LRP8: variants seen among roughly 807,000 people sequenced by gnomAD.
LRP8 encodes low-density lipoprotein receptor-related protein 8.
Under a neutral mutation model 111.6 loss-of-function variants are expected in LRP8, and 46 were observed. The ratio of observed to expected loss-of-function variants is 0.41; its 90% CI spans 0.33 to 0.53. The LOEUF (loss-of-function observed/expected upper bound fraction) is 0.53. Ranked by LOEUF, LRP8 falls within the 20% of genes least tolerant of loss-of-function variation. The pLI, the probability that LRP8 is intolerant of heterozygous loss-of-function variation, is 0.20. For missense variants in LRP8, 959 were observed against 1,297.4 expected (o/e 0.74, Z 4.01); for synonymous variants, 464 against 511.2 (o/e 0.91, Z 1.24).
intron 6 of LRP8, chr1:53,274,609 G>T (rs1646859591): frequency 2.3e-6 from 1 of 442,320 alleles, no homozygotes. Flanking sequence ...AAGTGTCAGG[G>T]CAGGGGGCAC....
In LRP8 at chr1:53,262,023, G is replaced by C. The variant is rs1358479906; in HGVS notation, c.1914+45C>G. The C allele has an allele frequency of 6.2e-7, 1 of 1,602,042 alleles. No homozygotes were observed. The highest frequency in any genetic ancestry group is 1.1e-5 in the South Asian group (1 of 89,674). ...TCCTATTTGAACAAGCATTTTCTAG[G>C]CTTCAGCTTCCTAGTGGGCCCTTGC... On this transcript the variant is annotated intron_variant, in intron 12 of 18. Coordinates refer to ENST00000306052, the MANE Select transcript of LRP8 (RefSeq NM_004631.5). This position sits in a 1 kb window ranked among gnomAD's most constrained non-coding sequence, Gnocchi z 4.8.
intron 3 of LRP8, chr1:53,289,337 A>G: frequency 4.5e-6 from 2 of 445,296 alleles, no homozygotes; most frequent in South Asian, 6.9e-5. Context: ...GGCTGTTTCT[A>G]GCTCCTGCTG....
At chr1:53,320,210 A>G (rs1572695306) in intron 2 of LRP8, among the ~76,000 whole-genome samples, 1 of 152,256 alleles carries the variant, frequency 6.6e-6, no homozygotes, top group South Asian at 2.1e-4. Context: ...AGCAGGGCCC[A>G]GTGGGGCCAG....
At position 53,317,798 on chromosome 1, in the gene LRP8, G is replaced by A. The variant is rs1241826386; in HGVS notation, c.244+9075C>T. Among the ~76,000 whole-genome samples, 1 of 152,196 alleles carries A rather than the reference G, an allele frequency of 6.6e-6. No individual in the cohort carries two copies. Among genetic ancestry groups the A allele is most frequent in the African/African-American group, 2.4e-5 (1 of 41,456 alleles). On this transcript the variant is annotated intron_variant, in intron 2 of 18. Coordinates refer to ENST00000306052, the MANE Select transcript of LRP8 (RefSeq NM_004631.5). This position sits in a 1 kb window ranked among gnomAD's most constrained non-coding sequence, Gnocchi z 4.9. ...CTCCATTTTTCTCCATCACTGCACT[G>A]CATCCGGCCCAATTGTGAGTGCAGG... is the stretch of plus-strand genomic sequence containing the variant.
At chr1:53,324,569 G>A (rs565885742) in intron 2 of LRP8, among the ~76,000 whole-genome samples, 5 of 152,230 alleles carry the variant, frequency 3.3e-5, no homozygotes, top group South Asian at 2.1e-4. Context: ...TATCAGCAGC[G>A]CCGCCACCCT....
intron 3 of LRP8, among the ~76,000 whole-genome samples, chr1:53,284,392 A>G (rs950545080): frequency 6.6e-6 from 1 of 152,190 alleles, no homozygotes; most frequent in African/African-American, 2.4e-5. Flanking sequence ...TGAGGCTCAG[A>G]GAGACCAAGT....
chr1:53,254,836 AGG>A (rs1646021159), intron 16 of LRP8, among the ~76,000 whole-genome samples: 5 of 152,184 alleles, frequency 3.3e-5, no homozygotes, highest in African/African-American at 1.2e-4. Flanking sequence ...CCCTGTTCCT[AGG>A]GATCATACAG....
rs987482456 is a variant in LRP8, at chr1:53,317,581, G to A, written c.244+9292C>T. ...CCCTCTTGTTGTGTCCTTGGTGGAG[G>A]AGGAGGAAAGCTGAGGACGGTTCCT... On this transcript the variant is annotated intron_variant, in intron 2 of 18. Coordinates refer to ENST00000306052, the MANE Select transcript of LRP8 (RefSeq NM_004631.5). This position sits in a 1 kb window ranked among gnomAD's most constrained non-coding sequence, Gnocchi z 4.9. 6.6e-6 allele frequency among the ~76,000 whole-genome samples: 1 copy of A among 152,226 alleles called. No individual in the cohort carries two copies. Among genetic ancestry groups the A allele is most frequent in the African/African-American group, 2.4e-5 (1 of 41,462 alleles).
At position 53,289,669 on chromosome 1, in the gene LRP8, T is replaced by C; in HGVS notation, c.265A>G (p.Ser89Gly). 1 of 1,613,840 alleles carries C rather than the reference T, an allele frequency of 6.2e-7. No homozygotes were observed. Among genetic ancestry groups the C allele is most frequent in the East Asian group, 2.2e-5 (1 of 44,874 alleles). ...DDCPKKTCADSDFTCDNGHCI... is the reference protein window; with the variant it reads ...DDCPKKTCADGDFTCDNGHCI... ...TGGCCGTTGTCACAGGTGAAGTCAC[T>C]GTCTGCACAGGTCTTCTTGGCTGCA... The change falls in exon 3 of 19, where the codon AGT becomes GGT. Residue 89 changes from serine (S) to glycine (G), a missense_variant. Ser to Gly is a moderately conservative substitution (Grantham distance 56). This residue lies in a region of LRP8 where 43 missense variants were observed against 92.4 expected (regional missense o/e 0.47). Coordinates refer to ENST00000306052, the MANE Select transcript of LRP8 (RefSeq NM_004631.5).
chr1:53,319,236 T>C (rs1169668284), intron 2 of LRP8, among the ~76,000 whole-genome samples: 1 of 152,090 alleles, frequency 6.6e-6, no homozygotes, highest in Admixed American at 6.5e-5. Context: ...GGCTGGAAAC[T>C]AAGATGCCCT....
intron 1 of LRP8, 137 bp from the exon 2 acceptor site, chr1:53,327,129 C>G: frequency 8.1e-7 from 1 of 1,229,734 alleles, no homozygotes; most frequent in Non-Finnish European, 1.1e-6. Context: ...TTCAGGCACA[C>G]TCCATCCAAA....
At chr1:53,277,255 T>C (rs1266432816) in intron 4 of LRP8, among the ~76,000 whole-genome samples, 177 bp from the exon 5 acceptor site, 5 of 152,176 alleles carry the variant, frequency 3.3e-5, no homozygotes, top group Non-Finnish European at 7.4e-5. Context: ...AACACGGACA[T>C]GCTAGGTGAC....
chr1:53,308,273 A>G (rs539624609), intron 2 of LRP8, among the ~76,000 whole-genome samples: 2 of 151,836 alleles, frequency 1.3e-5, no homozygotes, highest in South Asian at 2.1e-4. Context: ...CAGAGCTACC[A>G]GAGAGTTAGT....
chr1:53,323,254 GT>G (rs1654744073), intron 2 of LRP8, among the ~76,000 whole-genome samples: 1 of 152,192 alleles, frequency 6.6e-6, no homozygotes, highest in Admixed American at 6.5e-5. Context: ...TAACCCGTCT[GT>G]GCCTCGATGA....
At chr1:53,321,824 C>T (rs990212038) in intron 2 of LRP8, among the ~76,000 whole-genome samples, 3 of 152,176 alleles carry the variant, frequency 2.0e-5, no homozygotes, top group African/African-American at 7.2e-5. Context: ...AGGAAAGGAG[C>T]AGACAGGACA....
In LRP8 at chr1:53,303,063, T is replaced by C. The variant is rs1246423937; in HGVS notation, c.245-13374A>G. Among the ~76,000 whole-genome samples, 3 of 152,036 alleles carry C rather than the reference T, an allele frequency of 2.0e-5. No individual in the cohort carries two copies. The highest frequency in any genetic ancestry group is 6.6e-5 in the Admixed American group (1 of 15,260). On this transcript the variant is annotated intron_variant, in intron 2 of 18. Transcript: ENST00000306052. The surrounding 1 kb of genome is among the most constrained non-coding windows in gnomAD (Gnocchi z 4.3). Reference sequence around the variant, plus strand: ...CTCAGAGGGTGGGAATTAAGAGAGGTTGTAATGTTGAAATTCATGGTGAAA... The same window carrying C: ...CTCAGAGGGTGGGAATTAAGAGAGGCTGTAATGTTGAAATTCATGGTGAAA...
chr1:53,253,024 A>AT (rs1336349405), intron 16 of LRP8, among the ~76,000 whole-genome samples: 1 of 152,242 alleles, frequency 6.6e-6, no homozygotes, highest in Non-Finnish European at 1.5e-5. Context: ...AGAAGTATGG[A>AT]TTATTCAATG....
intron 2 of LRP8, among the ~76,000 whole-genome samples, chr1:53,309,466 G>A (rs1229985476): frequency 1.3e-5 from 2 of 152,194 alleles, no homozygotes; most frequent in Non-Finnish European, 2.9e-5. Context: ...GACACTGAGA[G>A]GGGAGGTGGC....
chr1:53,316,856 C>G (rs1261978377), intron 2 of LRP8, among the ~76,000 whole-genome samples: 1 of 152,174 alleles, frequency 6.6e-6, no homozygotes, highest in Non-Finnish European at 1.5e-5. Context: ...GCTGCTGTGG[C>G]AGGGGGCAGG....
Sources: allele counts gnomAD v4.1 joint callset (sites outside exome capture counted in the v4.1 genomes callset), GRCh38; gene constraint gnomAD v4.1.1; regional missense constraint gnomAD v4.1.1; non-coding constraint Gnocchi (gnomAD v3.1); transcripts MANE v1.5; gene names NCBI Gene and HGNC (gene_info 2026-07-23, HGNC 2026-07-21).